TMEM132D: variants seen among roughly 807,000 people sequenced by gnomAD.
TMEM132D encodes the protein mature OL transmembrane protein.
A neutral mutation model predicts 62.3 loss-of-function variants in TMEM132D; 21 were observed. The observed-to-expected ratio is 0.34, with a 90% CI of 0.24 to 0.49. The LOEUF is 0.49. Among genes scored for constraint, TMEM132D ranks in the 20% least tolerant of loss-of-function variants. TMEM132D has a pLI of 0.99. For synonymous variants in TMEM132D, 621 were observed against 575.6 expected (o/e 1.08, Z -1.13); for missense variants, 1,346 against 1,402.8 (o/e 0.96, Z 0.65).
chr12:129,603,308 C>G (rs906888378), intron 2 of TMEM132D, among the ~76,000 whole-genome samples: 1 of 152,176 alleles, frequency 6.6e-6, no homozygotes, highest in Non-Finnish European at 1.5e-5. Flanking sequence ...GCCCATCTCT[C>G]CCCAACCCAA....
chr12:129,724,280 C>T (rs1397409077), intron 1 of TMEM132D, among the ~76,000 whole-genome samples: 2 of 152,166 alleles, frequency 1.3e-5, no homozygotes, highest in Admixed American at 1.3e-4. Context: ...AAGCCCATCC[C>T]ATGAGAGAGA....
chr12:129,206,662 T>C (rs1289178361), intron 5 of TMEM132D, among the ~76,000 whole-genome samples: 1 of 152,200 alleles, frequency 6.6e-6, no homozygotes, highest in Non-Finnish European at 1.5e-5. Flanking sequence ...CGAATGTTCA[T>C]TGCTACACTA....
chr12:129,624,014 T>C (rs560131634), intron 2 of TMEM132D, among the ~76,000 whole-genome samples: 25 of 152,294 alleles, frequency 1.6e-4, no homozygotes, highest in Admixed American at 1.0e-3. Flanking sequence ...CAGCACAATG[T>C]CATGCCTATA....
intron 3 of TMEM132D, among the ~76,000 whole-genome samples, chr12:129,509,341 A>T (rs1207493913): frequency 1.3e-5 from 2 of 152,140 alleles, no homozygotes; most frequent in African/African-American, 4.8e-5. Context: ...CTTAGTTTTT[A>T]ATTTTTGTGG....
intron 1 of TMEM132D, among the ~76,000 whole-genome samples, chr12:129,810,752 T>C (rs1872148134): frequency 6.6e-6 from 1 of 152,208 alleles, no homozygotes; most frequent in Non-Finnish European, 1.5e-5. Context: ...TATTAATTTA[T>C]CTTTCAACGC....
chr12:129,554,437 C>A (rs188286039), intron 2 of TMEM132D, among the ~76,000 whole-genome samples: 1 of 152,134 alleles, frequency 6.6e-6, no homozygotes, highest in Non-Finnish European at 1.5e-5. Context: ...GAGAAGCGTG[C>A]AGCAGAGACA....
intron 5 of TMEM132D, among the ~76,000 whole-genome samples, chr12:129,144,238 A>ATGTGCT (rs1414861664): frequency 1.3e-5 from 2 of 152,140 alleles, no homozygotes; most frequent in Admixed American, 6.5e-5. Context: ...ACAAGGAATT[A>ATGTGCT]TGTGCTTGTC....
At chr12:129,781,088 A>G (rs763405079) in intron 1 of TMEM132D, among the ~76,000 whole-genome samples, 1 of 152,216 alleles carries the variant, frequency 6.6e-6, no homozygotes, top group Non-Finnish European at 1.5e-5. Context: ...TGCCATCAAA[A>G]GCTTTGTTGC....
chr12:129,640,201 G>A (rs1037490163), intron 2 of TMEM132D, among the ~76,000 whole-genome samples: 38 of 152,192 alleles, frequency 2.5e-4, no homozygotes, highest in Non-Finnish European at 1.3e-4. Flanking sequence ...TCTGGAAAGA[G>A]CCAGATGGTA....
intron 1 of TMEM132D, among the ~76,000 whole-genome samples, chr12:129,784,506 G>C (rs1254956370): frequency 3.9e-5 from 6 of 152,150 alleles, no homozygotes; most frequent in Admixed American, 3.9e-4. Flanking sequence ...CGGAGCACAA[G>C]ATTCTTTGCA....
At chr12:129,602,445 T>A (rs544066660) in intron 2 of TMEM132D, among the ~76,000 whole-genome samples, 1 of 151,134 alleles carries the variant, frequency 6.6e-6, no homozygotes, top group Non-Finnish European at 1.5e-5. Flanking sequence ...AATGGTAATA[T>A]GCAAAGTAAG....
At chr12:129,596,542 T>C (rs996186738) in intron 2 of TMEM132D, among the ~76,000 whole-genome samples, 15 of 152,208 alleles carry the variant, frequency 9.9e-5, no homozygotes, top group Non-Finnish European at 1.2e-4. Context: ...ATGTCCCTGA[T>C]AGAAAATAGT....
intron 3 of TMEM132D, among the ~76,000 whole-genome samples, chr12:129,481,849 T>C (rs544203703): frequency 4.2e-4 from 64 of 152,120 alleles, no homozygotes; most frequent in Non-Finnish European, 6.2e-4. Flanking sequence ...ATTCACACCA[T>C]TAGGTAACCC....
At chr12:129,180,335 G>A (rs889938176) in intron 5 of TMEM132D, among the ~76,000 whole-genome samples, 3 of 152,120 alleles carry the variant, frequency 2.0e-5, no homozygotes, top group Admixed American at 1.3e-4. Context: ...GGATTGCAAC[G>A]CCCAGCTTTC....
At chr12:129,141,047 T>G (rs926457010) in intron 5 of TMEM132D, among the ~76,000 whole-genome samples, 1 of 152,210 alleles carries the variant, frequency 6.6e-6, no homozygotes, top group Non-Finnish European at 1.5e-5. Flanking sequence ...GTTTTAGCAC[T>G]GCACACACTA....
At chr12:129,101,473 C>CA (rs1259965373) in intron 5 of TMEM132D, among the ~76,000 whole-genome samples, 2 of 152,076 alleles carry the variant, frequency 1.3e-5, no homozygotes, top group Non-Finnish European at 2.9e-5. Flanking sequence ...AATTTGCAGC[C>CA]CCTGGAGATG....
chr12:129,293,680 G>A (rs148305232), intron 4 of TMEM132D, among the ~76,000 whole-genome samples: 19 of 152,264 alleles, frequency 1.2e-4, no homozygotes, highest in East Asian at 3.9e-4. Context: ...CACAAGGAGC[G>A]TGCAACCTAG....
chr12:129,232,964 T>A (rs537004669), intron 4 of TMEM132D, among the ~76,000 whole-genome samples: 1 of 152,138 alleles, frequency 6.6e-6, no homozygotes, highest in South Asian at 2.1e-4. Flanking sequence ...TCCCACCAGG[T>A]CCCTCCTCTG....
intron 4 of TMEM132D, among the ~76,000 whole-genome samples, chr12:129,222,939 A>G (rs545544363): frequency 4.1e-4 from 62 of 152,294 alleles, no homozygotes; most frequent in Non-Finnish European, 7.2e-4. Context: ...TCTGGGAACT[A>G]ATGAATTTAT....
Sources: allele counts gnomAD v4.1 joint callset (sites outside exome capture counted in the v4.1 genomes callset), GRCh38; gene constraint gnomAD v4.1.1; transcripts MANE v1.5; gene names NCBI Gene and HGNC (gene_info 2026-07-23, HGNC 2026-07-21).